Variants in KSR2 observed in about 807,000 individuals in gnomAD.
KSR2 encodes the protein kinase suppressor of ras 2.
A neutral mutation model predicts 107.8 loss-of-function variants in KSR2; 25 were observed. The observed-to-expected ratio is 0.23, with a 90% CI of 0.17 to 0.32. The LOEUF is 0.32. Among genes scored for constraint, KSR2 ranks in the 10% least tolerant of loss-of-function variants. The pLI, the probability that KSR2 is intolerant of heterozygous loss-of-function variation, is 1.00. For missense variants in KSR2, 887 were observed against 1,268.9 expected (o/e 0.70, Z 4.57); for synonymous variants, 480 against 507.0 (o/e 0.95, Z 0.71).
At chr12:117,872,366 C>T (rs1401877743) in intron 1 of KSR2, among the ~76,000 whole-genome samples, 1 of 152,074 alleles carries the variant, frequency 6.6e-6, no homozygotes, top group Non-Finnish European at 1.5e-5. Flanking sequence ...GAGTTCAAGA[C>T]CAGCCTGGGC....
At chr12:117,590,941 T>C (rs1880278023) in intron 5 of KSR2, among the ~76,000 whole-genome samples, 1 of 152,218 alleles carries the variant, frequency 6.6e-6, no homozygotes, top group African/African-American at 2.4e-5. Flanking sequence ...TTCTGCCACT[T>C]ACATGGTAGG....
chr12:117,858,675 AACAGGAAAACAAGGCTAATGC>A (rs1348128479), intron 2 of KSR2, among the ~76,000 whole-genome samples: 6 of 152,214 alleles, frequency 3.9e-5, no homozygotes, highest in Non-Finnish European at 7.3e-5. Context: ...GGACCCAGGC[AACAGGAAAACAAGGCTAATGC>A]ACAGTGCTTC....
intron 3 of KSR2, among the ~76,000 whole-genome samples, chr12:117,849,930 G>A (rs1291139929): frequency 6.6e-6 from 1 of 152,206 alleles, no homozygotes; most frequent in Non-Finnish European, 1.5e-5. Flanking sequence ...GGAAACACCA[G>A]CTCTGGGTTG....
At chr12:117,894,874 A>G (rs1894462314) in intron 1 of KSR2, among the ~76,000 whole-genome samples, 1 of 151,782 alleles carries the variant, frequency 6.6e-6, no homozygotes, top group Admixed American at 6.6e-5. Context: ...ACTGTGAGTC[A>G]ATTAAACCTC....
intron 14 of KSR2, among the ~76,000 whole-genome samples, chr12:117,519,599 C>G (rs996703283): frequency 2.0e-5 from 3 of 152,130 alleles, no homozygotes; most frequent in Non-Finnish European, 4.4e-5. Context: ...AGGGACTGTA[C>G]GTTCTCTGAG....
intron 7 of KSR2, among the ~76,000 whole-genome samples, chr12:117,563,443 G>A (rs1878254139): frequency 6.6e-6 from 1 of 152,196 alleles, no homozygotes; most frequent in African/African-American, 2.4e-5. Context: ...ACTTGGGCAA[G>A]CTGCCGATCC....
intron 1 of KSR2, among the ~76,000 whole-genome samples, chr12:117,895,025 T>C (rs1894468899): frequency 6.7e-6 from 1 of 150,178 alleles, no homozygotes; most frequent in Non-Finnish European, 1.5e-5. Flanking sequence ...AGTCCAGGAG[T>C]TCAAGACCAG....
At chr12:117,789,277 A>G (rs899446423) in intron 3 of KSR2, among the ~76,000 whole-genome samples, 1 of 152,236 alleles carries the variant, frequency 6.6e-6, no homozygotes, top group African/African-American at 2.4e-5. Context: ...TGAAGTAGAT[A>G]CAGTCTGCAA....
chr12:117,745,055 A>G (rs1888357978), intron 4 of KSR2, among the ~76,000 whole-genome samples: 1 of 152,196 alleles, frequency 6.6e-6, no homozygotes, highest in South Asian at 2.1e-4. Flanking sequence ...ACCAAGGCTC[A>G]GAGAGGGTAA....
chr12:117,682,709 C>T (rs575470633), intron 4 of KSR2, among the ~76,000 whole-genome samples: 21 of 152,246 alleles, frequency 1.4e-4, no homozygotes, highest in South Asian at 6.2e-4. Flanking sequence ...TGAGCCACCG[C>T]GCCTGGCTGT....
chr12:117,589,260 C>T lies in KSR2; in HGVS notation c.1172-6901G>A, dbSNP rs553926630. ...TTGGATAAATAAGGAGCTACTCTAC[C>T]CTAAATGTTTCCATGGAGATAAAGA... On this transcript the variant is annotated intron_variant, in intron 5 of 19. Coordinates refer to ENST00000339824, the MANE Select transcript of KSR2 (RefSeq NM_173598.6). Among the ~76,000 whole-genome samples the T allele has an allele frequency of 1.4e-3, 212 of 152,252 alleles. 1 individual carries two copies. Among genetic ancestry groups the T allele is most frequent in the Middle Eastern group, 0.01 (3 of 294 alleles).
intron 10 of KSR2, among the ~76,000 whole-genome samples, chr12:117,534,580 A>T (rs1362998006): frequency 2.0e-5 from 3 of 151,968 alleles, no homozygotes; most frequent in Non-Finnish European, 4.4e-5. Flanking sequence ...ACTAAGCTAT[A>T]CTTTTCATGA....
At chr12:117,941,115 T>C (rs1386721413) in intron 1 of KSR2, among the ~76,000 whole-genome samples, 3 of 152,076 alleles carry the variant, frequency 2.0e-5, no homozygotes, top group Admixed American at 2.0e-4. Flanking sequence ...AAGATTTTTA[T>C]TTCTGGGGTT....
rs370976488 is a variant in KSR2 at position 117,667,571 on chromosome 12, C to G, written c.1074G>C (p.Pro358=). 6.2e-7 allele frequency: 1 copy of G among 1,613,204 alleles called. No homozygotes were observed. The highest frequency in any genetic ancestry group is 2.2e-5 in the East Asian group (1 of 44,856). The part of the protein sequence containing the change: ...CENIPSQQRS[P]LLSERSLRSF... ...AGCGGAGGGAGCGCTCGGACAGCAG[C>G]GGGGAGCGCTGCTGAGAGGGGATGT... The change falls in exon 5 of 20, where the codon CCG becomes CCC. Residue 358 remains proline, a synonymous_variant. Transcript: ENST00000339824.
intron 7 of KSR2, among the ~76,000 whole-genome samples, chr12:117,567,795 T>C (rs781568627): frequency 5.3e-5 from 8 of 151,610 alleles, no homozygotes; most frequent in Non-Finnish European, 1.2e-4. Context: ...CCAATGCTTC[T>C]AGAAATGACT....
intron 5 of KSR2, among the ~76,000 whole-genome samples, chr12:117,601,842 T>G (rs1880973048): frequency 6.6e-6 from 1 of 152,190 alleles, no homozygotes; most frequent in Non-Finnish European, 1.5e-5. Flanking sequence ...CCTGCCAACC[T>G]TCCAGTCTCT....
At chr12:117,938,295 A>G (rs768370007) in intron 1 of KSR2, among the ~76,000 whole-genome samples, 9 of 152,094 alleles carry the variant, frequency 5.9e-5, no homozygotes, top group Non-Finnish European at 1.2e-4. Flanking sequence ...AATGCATTTA[A>G]CGTAAAGTGG....
rs1218437929 is a variant in KSR2, at chr12:117,897,607, G to A, written c.181-37176C>T. On this transcript the variant is annotated intron_variant, in intron 1 of 19. Coordinates refer to ENST00000339824, the MANE Select transcript of KSR2 (RefSeq NM_173598.6). This position sits in a 1 kb window ranked among gnomAD's most constrained non-coding sequence, Gnocchi z 4.5. ...AACAATGGCCTTCTGGAGCGGGGAA[G>A]GAAAATTCTCCCCCTGTGGAAATCC... Among the ~76,000 whole-genome samples, 1 of 151,996 alleles carries A rather than the reference G, an allele frequency of 6.6e-6. No individual in the cohort carries two copies. Among genetic ancestry groups the A allele is most frequent in the African/African-American group, 2.4e-5 (1 of 41,378 alleles).
At chr12:117,553,860 TCC>T (rs138885140) in intron 9 of KSR2, among the ~76,000 whole-genome samples, 4,869 of 148,656 alleles carry the variant, frequency 0.033, 253 homozygotes, top group African/African-American at 0.11. Context: ...TCTCTCTCTC[TCC>T]CTCTCTCATG....
Sources: allele counts gnomAD v4.1 joint callset (sites outside exome capture counted in the v4.1 genomes callset), GRCh38; gene constraint gnomAD v4.1.1; non-coding constraint Gnocchi (gnomAD v3.1); transcripts MANE v1.5; gene names NCBI Gene and HGNC (gene_info 2026-07-23, HGNC 2026-07-21).